Variants in ADGRA2 observed in about 807,000 individuals in gnomAD.
ADGRA2 encodes the protein G-protein coupled receptor 124.
Under a neutral mutation model 98.7 loss-of-function variants are expected in ADGRA2, and 61 were observed. The observed-to-expected ratio is 0.62, with a 90% CI of 0.50 to 0.76. The LOEUF is 0.76. ADGRA2 is among the 30% of genes least tolerant of loss of function. The pLI, the probability that ADGRA2 is intolerant of heterozygous loss-of-function variation, is 0.00. For synonymous variants in ADGRA2, 858 were observed against 831.5 expected (o/e 1.03, Z -0.55); for missense variants, 1,712 against 1,860.0 (o/e 0.92, Z 1.46).
chr8:37,840,174 G>A lies in ADGRA2; in HGVS notation c.2565G>A (p.Val855=). Residue 855 remains valine (V), a synonymous_variant, in exon 17 of 19, where the codon GTG becomes GTA. Coordinates refer to ENST00000412232, the MANE Select transcript of ADGRA2 (RefSeq NM_032777.10). ...TATCCACGCTGCTCTGGATGGGCGT[G>A]AAGGCGCGAGTGCTCCATAAGGAGC... is the stretch of plus-strand genomic sequence containing the variant. ...SSLSTLLWMG[V]KARVLHKELT... The A allele has an allele frequency of 6.2e-7, 1 of 1,611,516 alleles. No homozygotes were observed. Among genetic ancestry groups the A allele is most frequent in the Non-Finnish European group, 8.5e-7 (1 of 1,179,862 alleles).
chr8:37,835,428 G>T, intron 12 of ADGRA2, 30 bp downstream of exon 12: 1 of 1,571,830 alleles, frequency 6.4e-7, no homozygotes, highest in Non-Finnish European at 8.7e-7. Context: ...GAGGGGGTGG[G>T]AGAAGGGAGG....
chr8:37,839,163 T>C (rs1805714410), intron 15 of ADGRA2, 80 bp downstream of exon 15: 7 of 1,544,096 alleles, frequency 4.5e-6, no homozygotes, highest in Non-Finnish European at 6.3e-6. Context: ...CGTCCTATGC[T>C]CCGGTACATA....
chr8:37,830,810 G>A lies in ADGRA2; in HGVS notation c.819G>A (p.Leu273=). ...RLPFQCSASY[L]GNDTRIRWYH... is the part of the protein sequence containing the mutation. The stretch of plus-strand genomic sequence containing the variant: ...CCTTCCAGTGCTCTGCCAGCTACCT[G>A]GGCAACGACACCCGCATCCGCTGGT... The change falls in exon 7 of 19, where the codon CTG becomes CTA. Residue 273 remains leucine (L), a synonymous_variant. Coordinates refer to ENST00000412232, the MANE Select transcript of ADGRA2 (RefSeq NM_032777.10). The surrounding 1 kb of genome is among the most constrained non-coding windows in gnomAD (Gnocchi z 4.8). 1 of 1,592,172 alleles carries A rather than the reference G, an allele frequency of 6.3e-7. No individual in the cohort carries two copies. The highest frequency in any genetic ancestry group is 8.5e-7 in the Non-Finnish European group (1 of 1,170,070).
Position 37,842,070 on chromosome 8 carries a change from G to A in ADGRA2, c.3732G>A (p.Leu1244=), listed in dbSNP as rs1439021214. Residue 1244 remains leucine (L), a synonymous_variant, in exon 19 of 19, where the codon CTG becomes CTA. Transcript: ENST00000412232. ...ACAGCCCGGGCGCCGGCCTGCAGCT[G>A]GAAGGCGAGCCCATGCTCACGCCGT... ...SRNSPGAGLQ[L]EGEPMLTPSE... 2 of 1,517,312 alleles carry A rather than the reference G, an allele frequency of 1.3e-6. No individual in the cohort carries two copies. The highest frequency in any genetic ancestry group is 1.8e-6 in the Non-Finnish European group (2 of 1,140,086). 94.0% of individuals were successfully genotyped at this position (1,517,312 alleles called of 1,614,324 possible).
intron 2 of ADGRA2, among the ~76,000 whole-genome samples, chr8:37,819,488 C>G (rs1320559524): frequency 2.6e-5 from 4 of 152,122 alleles, no homozygotes; most frequent in African/African-American, 4.8e-5. Flanking sequence ...CCTGCCTCAG[C>G]TTCCCAAGTA....
Position 37,830,589 on chromosome 8 carries a change from G to A in ADGRA2, c.719-121G>A, listed in dbSNP as rs1182959804. 5 of 673,278 alleles carry A rather than the reference G, an allele frequency of 7.4e-6. No homozygotes were observed. In the East Asian group the frequency reaches 8.2e-5, roughly 11 times the overall value. 41.7% of individuals were successfully genotyped at this position (673,278 alleles called of 1,614,324 possible). ...TCTTGACCCCTTTTCCTTCCCAGCT[G>A]GAGCAGGCTGCAGGCCGAGGGCCCC... On this transcript the variant is annotated intron_variant, in intron 6 of 18. Coordinates refer to ENST00000412232, the MANE Select transcript of ADGRA2 (RefSeq NM_032777.10). The surrounding 1 kb of genome is among the most constrained non-coding windows in gnomAD (Gnocchi z 4.8).
At chr8:37,823,914 A>G (rs917631027) in intron 2 of ADGRA2, among the ~76,000 whole-genome samples, 4 of 151,954 alleles carry the variant, frequency 2.6e-5, no homozygotes, top group East Asian at 3.9e-4. Context: ...TCTTTCTGCT[A>G]TTGAGTTGTA....
At chr8:37,812,153 G>GTGTTGTTGT (rs36232957) in intron 1 of ADGRA2, among the ~76,000 whole-genome samples, 15 of 142,220 alleles carry the variant, frequency 1.1e-4, no homozygotes, top group African/African-American at 2.3e-4. Context: ...ACTTGCAATG[G>GTGTTGTTGT]TGTTGTTGTT....
chr8:37,806,049 C>T (rs532349187), intron 1 of ADGRA2, among the ~76,000 whole-genome samples: 1 of 151,978 alleles, frequency 6.6e-6, no homozygotes, highest in East Asian at 1.9e-4. Context: ...AAGTTTGGCT[C>T]CCCCCGGGGG....
intron 2 of ADGRA2, among the ~76,000 whole-genome samples, chr8:37,825,292 G>C (rs915177246): frequency 2.6e-5 from 4 of 151,894 alleles, no homozygotes; most frequent in African/African-American, 9.7e-5. Flanking sequence ...CCAGGCTGGC[G>C]TGCAGCAGTG....
At chr8:37,835,517 G>A in intron 12 of ADGRA2, 37 bp from the exon 13 acceptor site, 2 of 1,510,056 alleles carry the variant, frequency 1.3e-6, no homozygotes, top group Non-Finnish European at 1.8e-6. Flanking sequence ...GCTCTAGGGG[G>A]TCCTGGTGTC....
intron 1 of ADGRA2, among the ~76,000 whole-genome samples, chr8:37,806,322 A>T (rs146543677): frequency 6.6e-6 from 1 of 152,234 alleles, no homozygotes; most frequent in Non-Finnish European, 1.5e-5. Flanking sequence ...TGAATGAATG[A>T]ATACCTAACT....
In ADGRA2 at chr8:37,839,670, G is replaced by A. The variant is rs550267061; in HGVS notation, c.2511+48G>A. On this transcript the variant is annotated intron_variant, in intron 16 of 18. Coordinates refer to ENST00000412232, the MANE Select transcript of ADGRA2 (RefSeq NM_032777.10). ...GGGGTGGTGCTCCGAGATGAGTGCT[G>A]GCACCTAGGCATAGAGTGGGGTGAT... The A allele has an allele frequency of 1.8e-5, 29 of 1,602,384 alleles. No homozygotes were observed. The East Asian group carries it at 5.8e-4, about 32-fold the overall frequency.
chr8:37,841,781 A>AGGCGGG lies in ADGRA2; in HGVS notation c.3449_3454dup (p.Gly1150_Ala1151dup), dbSNP rs1302536292. 1.1e-5 allele frequency: 17 copies of AGGCGGG among 1,534,916 alleles called. No individual in the cohort carries two copies. Among genetic ancestry groups the AGGCGGG allele is most frequent in the Non-Finnish European group, 1.5e-5 (17 of 1,144,254 alleles). ...CAGCTGGCCCAGAGTCAGGTGTGCG[A>AGGCGGG]GGCGGGGGCGGCGGCCGGCGGGGAA... On this transcript the variant is annotated inframe_insertion, in exon 19 of 19. Transcript: ENST00000412232. This position sits in a 1 kb window ranked among gnomAD's most constrained non-coding sequence, Gnocchi z 5.0.
Position 37,814,481 on chromosome 8 carries a change from C to A in ADGRA2, c.267-415C>A, listed in dbSNP as rs984894766. ...ACCTTCTGGGCATCCTGGCCCCGTT[C>A]AAGCCATTCTCCCCACCACTCTCTT... On this transcript the variant is annotated intron_variant, in intron 1 of 18. Coordinates refer to ENST00000412232, the MANE Select transcript of ADGRA2 (RefSeq NM_032777.10). This position sits in a 1 kb window ranked among gnomAD's most constrained non-coding sequence, Gnocchi z 4.3. 6.6e-6 allele frequency among the ~76,000 whole-genome samples: 1 copy of A among 152,232 alleles called. No individual in the cohort carries two copies. The highest frequency in any genetic ancestry group is 1.5e-5 in the Non-Finnish European group (1 of 68,044).
At chr8:37,832,940 C>A in intron 8 of ADGRA2, 70 bp from the exon 9 acceptor site, 2 of 1,253,016 alleles carry the variant, frequency 1.6e-6, no homozygotes, top group Non-Finnish European at 2.3e-6. Flanking sequence ...CCTCACCGTT[C>A]TAAAGTCGGG....
In ADGRA2 at chr8:37,833,138, G is replaced by A. The variant is rs1313488016; in HGVS notation, c.1226G>A (p.Trp409Ter). Residue 409 changes from tryptophan to a stop codon, truncating the protein, a stop_gained, in exon 9 of 19, where the codon TGG becomes TAG. Coordinates refer to ENST00000412232, the MANE Select transcript of ADGRA2 (RefSeq NM_032777.10). LOFTEE classifies it high-confidence loss of function. ...ASRRCDRAGR[W>*]EPGDYSHCLY... is the part of the protein sequence containing the mutation. ...CGCCGGTGTGACCGTGCCGGCCGCTGGGAGCCAGGGGACTACTCCCACTGT... is the reference window on the plus strand; with the variant it reads ...CGCCGGTGTGACCGTGCCGGCCGCTAGGAGCCAGGGGACTACTCCCACTGT... 6.2e-7 allele frequency: 1 copy of A among 1,613,134 alleles called. No individual in the cohort carries two copies. Among genetic ancestry groups the A allele is most frequent in the Non-Finnish European group, 8.5e-7 (1 of 1,179,834 alleles).
intron 1 of ADGRA2, among the ~76,000 whole-genome samples, chr8:37,798,666 G>A (rs1213986681): frequency 6.6e-6 from 1 of 152,200 alleles, no homozygotes; most frequent in Non-Finnish European, 1.5e-5. Context: ...TTTCTCCACC[G>A]CCCCTTGCCC....
rs1329899251 is a variant in ADGRA2, at chr8:37,843,478, C to T, written c.*1123C>T. Reference sequence around the variant, plus strand: ...GTCATGAGGGGCCTATGCCTTTACTCCTTTTAAACACCAGCACCCGTCTTT... The same window carrying T: ...GTCATGAGGGGCCTATGCCTTTACTTCTTTTAAACACCAGCACCCGTCTTT... On this transcript the variant is annotated 3_prime_UTR_variant, in exon 19 of 19. Transcript: ENST00000412232. 1 of 152,254 alleles carries T rather than the reference C, an allele frequency of 6.6e-6. No homozygotes were observed. Among genetic ancestry groups the T allele is most frequent in the East Asian group, 1.9e-4 (1 of 5,198 alleles). 9.4% of individuals were successfully genotyped at this position (152,254 alleles called of 1,614,324 possible).
Sources: allele counts gnomAD v4.1 joint callset (sites outside exome capture counted in the v4.1 genomes callset), GRCh38; gene constraint gnomAD v4.1.1; non-coding constraint Gnocchi (gnomAD v3.1); transcripts MANE v1.5; gene names NCBI Gene and HGNC (gene_info 2026-07-23, HGNC 2026-07-21).